The following PDE1A variants were observed in gnomAD, a reference collection of about 807,000 sequenced individuals.
The protein encoded by PDE1A is dual specificity calcium/calmodulin-dependent 3',5'-cyclic nucleotide phosphodiesterase 1A.
Under a neutral mutation model 61.7 loss-of-function variants are expected in PDE1A, and 35 were observed. The ratio of observed to expected loss-of-function variants is 0.57; its 90% CI spans 0.43 to 0.75. PDE1A has a LOEUF of 0.75. Ranked by LOEUF, PDE1A falls within the 30% of genes least tolerant of loss-of-function variation. The pLI, the probability that PDE1A is intolerant of heterozygous loss-of-function variation, is 0.00. For synonymous variants in PDE1A, 232 were observed against 213.2 expected (o/e 1.09, Z -0.77); for missense variants, 597 against 630.6 (o/e 0.95, Z 0.57).
chr2:182,662,343 AAAAAAAAAC>A, the PDE1A span, among the ~76,000 whole-genome samples: 2 of 147,004 alleles, frequency 1.4e-5, no homozygotes, highest in African/African-American at 2.7e-5. Flanking sequence ...AAAAAAAAGA[AAAAAAAAAC>A]AAAAAAAAAC....
chr2:182,415,870 T>C (rs947184794), intron 1 of PDE1A, among the ~76,000 whole-genome samples: 1 of 152,196 alleles, frequency 6.6e-6, no homozygotes, highest in Admixed American at 6.5e-5. Context: ...TTAAGGACAT[T>C]CAAATCACTT....
chr2:182,235,292 C>T (rs574684670), intron 3 of PDE1A, among the ~76,000 whole-genome samples: 12 of 152,166 alleles, frequency 7.9e-5, no homozygotes, highest in South Asian at 4.2e-4. Context: ...TACAGGCATG[C>T]GCCACCATGC....
intron 13 of PDE1A, among the ~76,000 whole-genome samples, chr2:182,179,522 C>T (rs1477906240): frequency 6.6e-6 from 1 of 152,084 alleles, no homozygotes; most frequent in East Asian, 1.9e-4. Flanking sequence ...CAATAATTAG[C>T]TCATGGGTGG....
At chr2:182,538,319 T>A in the PDE1A span, among the ~76,000 whole-genome samples, 9 of 152,168 alleles carry the variant, frequency 5.9e-5, no homozygotes, top group South Asian at 2.1e-4. Context: ...TCTTGCTTTT[T>A]GATACATGTA....
chr2:182,473,584 C>T (rs1187330993), intron 2 of PDE1A, among the ~76,000 whole-genome samples: 1 of 151,742 alleles, frequency 6.6e-6, no homozygotes, highest in Non-Finnish European at 1.5e-5. Flanking sequence ...ATCATTTCAT[C>T]ACCCAGGTAT....
chr2:182,214,005 G>C (rs961715054), intron 7 of PDE1A, among the ~76,000 whole-genome samples: 4 of 138,590 alleles, frequency 2.9e-5, no homozygotes, highest in African/African-American at 1.1e-4. Flanking sequence ...AAAATGTTAA[G>C]GGCAGCCAGA....
chr2:182,404,644 T>G, intron 1 of PDE1A, among the ~76,000 whole-genome samples: 1 of 152,252 alleles, frequency 6.6e-6, no homozygotes, highest in African/African-American at 2.4e-5. Flanking sequence ...CTTGTATTTT[T>G]TTTTTACTTT....
At chr2:182,650,363 G>A in the PDE1A span, among the ~76,000 whole-genome samples, 4 of 152,174 alleles carry the variant, frequency 2.6e-5, no homozygotes, top group African/African-American at 9.7e-5. Context: ...ATGGCCCAGA[G>A]CAGAGAGCAC....
chr2:182,648,430 G>A, the PDE1A span, among the ~76,000 whole-genome samples: 1,189 of 147,498 alleles, frequency 8.1e-3, 21 homozygotes, highest in African/African-American at 0.028. Flanking sequence ...CCAGCACTTA[G>A]GAAGCTGAGG....
the PDE1A span, among the ~76,000 whole-genome samples, chr2:182,573,428 A>T: frequency 6.6e-6 from 1 of 152,278 alleles, no homozygotes; most frequent in South Asian, 2.1e-4. Context: ...GACATTTCTC[A>T]AGACAGCTAT....
the PDE1A span, among the ~76,000 whole-genome samples, chr2:182,550,346 T>C: frequency 6.6e-6 from 1 of 152,196 alleles, no homozygotes; most frequent in African/African-American, 2.4e-5. Flanking sequence ...AGCCTTTCTA[T>C]TTGGTTATTA....
intron 1 of PDE1A, among the ~76,000 whole-genome samples, chr2:182,360,680 A>G (rs1240890086): frequency 6.6e-6 from 1 of 151,936 alleles, no homozygotes; most frequent in Non-Finnish European, 1.5e-5. Context: ...ATATAATAGT[A>G]ATGTATATAT....
At chr2:182,176,480 T>C (rs1692800010) in intron 13 of PDE1A, among the ~76,000 whole-genome samples, 1 of 140,458 alleles carries the variant, frequency 7.1e-6, no homozygotes, top group Admixed American at 7.0e-5. Flanking sequence ...GATTTGGCTC[T>C]CTGTTTGTCT....
At chr2:182,587,027 A>G in the PDE1A span, among the ~76,000 whole-genome samples, 2 of 152,182 alleles carry the variant, frequency 1.3e-5, no homozygotes, top group Non-Finnish European at 2.9e-5. Context: ...TTCACAAAGG[A>G]AAAGGCACTT....
At chr2:182,420,879 C>T (rs1436994536) in intron 1 of PDE1A, among the ~76,000 whole-genome samples, 1 of 152,142 alleles carries the variant, frequency 6.6e-6, no homozygotes, top group East Asian at 1.9e-4. Context: ...TTGAATTTTC[C>T]TCAATTATAG....
At chr2:182,205,096 G>T (rs1438836593) in intron 8 of PDE1A, among the ~76,000 whole-genome samples, 1 of 151,918 alleles carries the variant, frequency 6.6e-6, no homozygotes, top group Non-Finnish European at 1.5e-5. Flanking sequence ...AAAAACCTTT[G>T]ATATTTACAT....
the PDE1A span, among the ~76,000 whole-genome samples, chr2:182,676,197 T>C: frequency 6.6e-6 from 1 of 151,634 alleles, no homozygotes; most frequent in Non-Finnish European, 1.5e-5. Context: ...AGAGAGAAGA[T>C]CCAAATAAAC....
intron 2 of PDE1A, among the ~76,000 whole-genome samples, chr2:182,248,618 G>A (rs1349287575): frequency 6.6e-6 from 1 of 152,132 alleles, no homozygotes; most frequent in East Asian, 1.9e-4. Flanking sequence ...AAAGAAGGAG[G>A]CGGCCACGGA....
rs150432209 is a variant in PDE1A, at chr2:182,436,885, C to T, written c.101+85391G>A. On this transcript the variant is annotated intron_variant, in intron 2 of 14. Transcript: ENST00000410103. The stretch of plus-strand genomic sequence containing the variant: ...TTGTTCTTACTAACATATTGCACTG[C>T]CTCTCCATGATCATATTCTTAGTTT... 2.7e-4 allele frequency among the ~76,000 whole-genome samples: 41 copies of T among 152,020 alleles called. No homozygotes were observed. In the East Asian group the frequency reaches 7.0e-3, roughly 26 times the overall value.
Sources: gnomAD v4.1 joint callset for allele counts (sites outside exome capture counted in the v4.1 genomes callset) on GRCh38, gnomAD v4.1.1 for gene constraint, MANE v1.5 for transcripts, NCBI Gene and HGNC (gene_info 2026-07-23, HGNC 2026-07-21) for gene names.